Variants in SSB observed in about 807,000 individuals in gnomAD.
SSB encodes small RNA binding exonuclease protection factor La.
Under a neutral mutation model 52.9 loss-of-function variants are expected in SSB, and 17 were observed. That is an observed-to-expected ratio of 0.32 (90% CI 0.22 to 0.48). The LOEUF (loss-of-function observed/expected upper bound fraction) is 0.48, where lower values mean the gene tolerates loss of function less well. Ranked by LOEUF, SSB falls within the 20% of genes least tolerant of loss-of-function variation. SSB has a pLI of 0.99. For missense variants in SSB, 314 were observed against 463.6 expected (o/e 0.68, Z 2.96); for synonymous variants, 111 against 152.1 (o/e 0.73, Z 1.99).
At chr2:169,807,809 T>G (rs982552198) in intron 6 of SSB, among the ~76,000 whole-genome samples, 43 of 56,298 alleles carry the variant, frequency 7.6e-4, no homozygotes, top group African/African-American at 1.5e-3. Context: ...TGAATGTGTG[T>G]CTGTCTAAGT....
At position 169,808,862 on chromosome 2, in the gene SSB, A is replaced by T. The variant is rs139144686; in HGVS notation, c.629A>T (p.Glu210Val). Residue 210 changes from glutamate to valine, a missense_variant and splice_region_variant, in exon 8 of 12, where the codon GAG (glutamate) becomes GTG (valine). Transcript: ENST00000260956. ...KVEAKLRAKQ[E>V]QEAKQKLEED... Reference sequence around the variant, plus strand: ...TATAATTATATTTTTATTTGTAGGGAGCAAGAAGCAAAACAAAAGTTAGAA... The same window carrying T: ...TATAATTATATTTTTATTTGTAGGGTGCAAGAAGCAAAACAAAAGTTAGAA... 1.3e-6 allele frequency: 2 copies of T among 1,590,796 alleles called. No homozygotes were observed. The highest frequency in any genetic ancestry group is 2.2e-5 in the South Asian group (2 of 90,402).
intron 9 of SSB, 150 bp downstream of exon 9, chr2:169,810,573 ATT>A: frequency 1.3e-6 from 1 of 755,614 alleles, no homozygotes; most frequent in South Asian, 2.0e-5. Context: ...GATGTCTGAT[ATT>A]TTCTGAATTA....
At chr2:169,805,393 A>G in intron 2 of SSB, 81 bp from the exon 3 acceptor site, 2 of 969,504 alleles carry the variant, frequency 2.1e-6, no homozygotes, top group Non-Finnish European at 3.1e-6. Flanking sequence ...TTTAAATAAC[A>G]GAACTTGGTA....
At chr2:169,806,540 G>T in intron 4 of SSB, 1 of 346,732 alleles carries the variant, frequency 2.9e-6, no homozygotes, top group Non-Finnish European at 5.2e-6. Flanking sequence ...AACAGAACAT[G>T]CAAATCATCT....
intron 2 of SSB, among the ~76,000 whole-genome samples, chr2:169,804,090 CTTCT>C (rs894342311): frequency 6.6e-6 from 1 of 152,026 alleles, no homozygotes; most frequent in Non-Finnish European, 1.5e-5. Flanking sequence ...TTTTACCCTT[CTTCT>C]TTGTTTGTAA....
chr2:169,805,865 A>G lies in SSB; in HGVS notation c.345+26A>G, dbSNP rs772735869. 2.5e-6 allele frequency: 4 copies of G among 1,588,828 alleles called. 1 individual carries two copies. Among genetic ancestry groups the G allele is most frequent in the South Asian group, 1.1e-5 (1 of 88,550 alleles). ...GTAAGTGGGCCTGTAATGCATTTAA[A>G]TATCTTACATTTATTTAGAAAGTAA... On this transcript the variant is annotated intron_variant, in intron 4 of 11. Coordinates refer to ENST00000260956, the MANE Select transcript of SSB (RefSeq NM_003142.5).
At chr2:169,806,053 C>T (rs1689823389) in intron 4 of SSB, 1 of 578,486 alleles carries the variant, frequency 1.7e-6, no homozygotes, top group South Asian at 1.6e-5. Context: ...CCACTGCAGT[C>T]TTGACCTCCT....
intron 11 of SSB, 49 bp from the exon 12 acceptor site, chr2:169,811,619 A>G (rs780866640): frequency 6.3e-7 from 1 of 1,583,864 alleles, no homozygotes. Flanking sequence ...GTATTAAACT[A>G]GAGCAGTACT....
At chr2:169,800,028 C>T (rs1032347943) in intron 1 of SSB, among the ~76,000 whole-genome samples, 5 of 152,090 alleles carry the variant, frequency 3.3e-5, no homozygotes, top group Admixed American at 1.3e-4. Flanking sequence ...GTCAGGAATA[C>T]GAAACAGGAA....
At position 169,811,866 on chromosome 2, in the gene SSB, A is replaced by T; in HGVS notation, c.*110A>T. On this transcript the variant is annotated 3_prime_UTR_variant, in exon 12 of 12. Coordinates refer to ENST00000260956, the MANE Select transcript of SSB (RefSeq NM_003142.5). ...GTCCACTTCAATGTCCACCTGTGAGAAAGGAAAAATTTTTTTGTTGTTTAA... is the reference window on the plus strand; with the variant it reads ...GTCCACTTCAATGTCCACCTGTGAGTAAGGAAAAATTTTTTTGTTGTTTAA... 2 of 1,612,242 alleles carry T rather than the reference A, an allele frequency of 1.2e-6. No individual in the cohort carries two copies. Among genetic ancestry groups the T allele is most frequent in the Non-Finnish European group, 1.7e-6 (2 of 1,179,504 alleles).
intron 6 of SSB, 105 bp from the exon 7 acceptor site, chr2:169,808,377 G>A (rs1689871271): frequency 2.6e-6 from 2 of 780,406 alleles, no homozygotes; most frequent in African/African-American, 1.8e-5. Flanking sequence ...TTGATAGTAA[G>A]CGTGTGCAAC....
intron 9 of SSB, 114 bp from the exon 10 acceptor site, chr2:169,810,744 A>G: frequency 1.9e-6 from 2 of 1,046,830 alleles, no homozygotes; most frequent in Non-Finnish European, 2.8e-6. Context: ...AAATTCATTC[A>G]AACTGGTAAA....
In SSB at chr2:169,811,767, C is replaced by G; in HGVS notation, c.*11C>G. On this transcript the variant is annotated 3_prime_UTR_variant, in exon 12 of 12. Transcript: ENST00000260956. ...GCTGGAGACCAGTAGTTTAGTAAAC[C>G]AATTTTTTATTCATTTTAAATAGGT... 6.2e-7 allele frequency: 1 copy of G among 1,612,844 alleles called. No individual in the cohort carries two copies. The highest frequency in any genetic ancestry group is 8.5e-7 in the Non-Finnish European group (1 of 1,179,634).
chr2:169,807,214 C>A, intron 6 of SSB, 143 bp downstream of exon 6: 1 of 653,288 alleles, frequency 1.5e-6, no homozygotes, highest in South Asian at 2.0e-5. Context: ...GATATTTGTT[C>A]AGTGAGAACT....
rs989332624 is a variant in SSB at position 169,811,661 on chromosome 2, G to A, written c.1139-7G>A. Reference sequence around the variant, plus strand: ...GAATTTAACAAAAATTAATTGTTACGTTATAGGACCTGTGAAAAGAGCAAG... The same window carrying A: ...GAATTTAACAAAAATTAATTGTTACATTATAGGACCTGTGAAAAGAGCAAG... On this transcript the variant is annotated splice_polypyrimidine_tract_variant and splice_region_variant and intron_variant, in intron 11 of 11. Transcript: ENST00000260956. 6 of 1,607,906 alleles carry A rather than the reference G, an allele frequency of 3.7e-6. No individual in the cohort carries two copies. Among genetic ancestry groups the A allele is most frequent in the South Asian group, 1.1e-5 (1 of 90,068 alleles).
intron 1 of SSB, among the ~76,000 whole-genome samples, chr2:169,800,392 G>A (rs190844596): frequency 5.9e-5 from 9 of 152,048 alleles, no homozygotes; most frequent in African/African-American, 1.4e-4. Flanking sequence ...TTAGTCAGCC[G>A]CAGCCGTGGT....
chr2:169,799,278 CTTTTTT>C (rs55750138), intron 1 of SSB: 4 of 103,354 alleles, frequency 3.9e-5, no homozygotes, highest in African/African-American at 7.5e-5. Flanking sequence ...CCCATTGCGT[CTTTTTT>C]TTTTTTTTTT....
At chr2:169,807,451 C>T (rs767908597) in intron 6 of SSB, among the ~76,000 whole-genome samples, 9 of 151,874 alleles carry the variant, frequency 5.9e-5, no homozygotes, top group Non-Finnish European at 4.4e-5. Context: ...ACCTCGTCCA[C>T]CTAATTTTTG....
chr2:169,807,770 A>G (rs1393922105), intron 6 of SSB, among the ~76,000 whole-genome samples: 2 of 111,612 alleles, frequency 1.8e-5, no homozygotes, highest in Non-Finnish European at 3.9e-5. Flanking sequence ...TACAGTACAA[A>G]GGATTTGAGA....
Sources: allele counts gnomAD v4.1 joint callset (sites outside exome capture counted in the v4.1 genomes callset), GRCh38; gene constraint gnomAD v4.1.1; transcripts MANE v1.5; gene names NCBI Gene and HGNC (gene_info 2026-07-23, HGNC 2026-07-21).